Variants in RTTN observed in about 807,000 individuals in gnomAD.
RTTN encodes the protein rotatin.
RTTN carries 182 observed loss-of-function variants against 269.2 expected under a neutral mutation model. The observed-to-expected ratio is 0.68, with a 90% CI of 0.60 to 0.76. The LOEUF is 0.76. Ranked by LOEUF, RTTN falls within the 30% of genes least tolerant of loss-of-function variation. The pLI is 0.00. For synonymous variants in RTTN, 1,006 were observed against 963.5 expected (o/e 1.04, Z -0.82); for missense variants, 2,545 against 2,608.6 (o/e 0.98, Z 0.53).
At chr18:70,061,548 T>G in intron 35 of RTTN, 1 of 339,456 alleles carries the variant, frequency 2.9e-6, no homozygotes, top group South Asian at 2.3e-5. Flanking sequence ...AAACATATTT[T>G]ATCTACGAAT....
chr18:70,153,954 A>G (rs1248510259), intron 14 of RTTN, among the ~76,000 whole-genome samples: 3 of 152,168 alleles, frequency 2.0e-5, no homozygotes, highest in Non-Finnish European at 2.9e-5. Context: ...CAACTAATAT[A>G]AATTTCCAAA....
At chr18:70,188,084 C>A (rs1345623937) in intron 10 of RTTN, 24 bp downstream of exon 10, 1 of 1,350,932 alleles carries the variant, frequency 7.4e-7, no homozygotes, top group African/African-American at 1.4e-5. Flanking sequence ...TTCCCTATAT[C>A]CCAAAGAAAA....
At chr18:70,134,600 AACAAATACAACTTAC>A in intron 22 of RTTN, 59 bp from the exon 23 acceptor site, 1 of 1,158,684 alleles carries the variant, frequency 8.6e-7, no homozygotes, top group Non-Finnish European at 1.3e-6. Context: ...AGTTTTGTCT[AACAAATACAACTTAC>A]CTCACTTCGT....
intron 33 of RTTN, chr18:70,075,066 T>C (rs1187978060): frequency 9.0e-6 from 2 of 223,346 alleles, no homozygotes; most frequent in African/African-American, 4.6e-5. Context: ...TCAAAAATAA[T>C]TTCCATGAAG....
intron 28 of RTTN, among the ~76,000 whole-genome samples, chr18:70,106,436 AAAC>A (rs1158418459): frequency 6.6e-6 from 1 of 152,260 alleles, no homozygotes; most frequent in East Asian, 1.9e-4. Flanking sequence ...AGGAAAGGCC[AAAC>A]AGTATTAGGT....
intron 14 of RTTN, among the ~76,000 whole-genome samples, chr18:70,157,248 C>T (rs902273147): frequency 6.6e-6 from 1 of 152,146 alleles, no homozygotes; most frequent in African/African-American, 2.4e-5. Context: ...GGGAACATCT[C>T]GGCTCCTCCA....
chr18:70,198,268 CA>C (rs376972434), intron 5 of RTTN, among the ~76,000 whole-genome samples: 1 of 152,068 alleles, frequency 6.6e-6, no homozygotes, highest in Admixed American at 6.5e-5. Context: ...CTCCCCACCC[CA>C]AAAAAATCAC....
chr18:70,128,764 G>A, intron 23 of RTTN: 1 of 461,518 alleles, frequency 2.2e-6, no homozygotes, highest in Admixed American at 3.3e-5. Context: ...ATCCTTTCTT[G>A]AGGACTTACC....
Position 70,187,208 on chromosome 18 carries a change from C to T in RTTN, c.1305+900G>A, listed in dbSNP as rs890155205. Among the ~76,000 whole-genome samples, 11 of 152,014 alleles carry T rather than the reference C, an allele frequency of 7.2e-5. No homozygotes were observed. In the East Asian group the frequency reaches 1.3e-3, roughly 19 times the overall value. The stretch of plus-strand genomic sequence containing the variant: ...TATAAAAAAGAACGAGAAAATCTCA[C>T]GTATAGATAGATAGGGAATAATCCT... On this transcript the variant is annotated intron_variant, in intron 10 of 48. Transcript: ENST00000640769.
chr18:70,086,565 A>T (rs767349297), intron 32 of RTTN, 48 bp downstream of exon 32: 3 of 1,370,442 alleles, frequency 2.2e-6, no homozygotes, highest in Admixed American at 2.0e-5. Context: ...TTTATCACCA[A>T]TTAATTTGAA....
chr18:70,031,347 C>A (rs2057007466), intron 40 of RTTN: 3 of 400,188 alleles, frequency 7.5e-6, no homozygotes, highest in Non-Finnish European at 8.8e-6. Context: ...GGAGAACTGT[C>A]ATCAATTTCC....
chr18:70,152,811 T>C (rs1445179992), intron 14 of RTTN, among the ~76,000 whole-genome samples: 2 of 152,182 alleles, frequency 1.3e-5, no homozygotes, highest in African/African-American at 4.8e-5. Context: ...ACTGGTCTTC[T>C]TGCTTCCATC....
intron 4 of RTTN, among the ~76,000 whole-genome samples, chr18:70,201,602 C>T (rs1194189999): frequency 2.5e-5 from 2 of 79,868 alleles, no homozygotes; most frequent in African/African-American, 8.7e-5. Flanking sequence ...AGCGAGACTC[C>T]ATCTCAAAAA....
chr18:70,044,012 T>G (rs1171101515), intron 40 of RTTN, among the ~76,000 whole-genome samples: 1 of 152,242 alleles, frequency 6.6e-6, no homozygotes. Context: ...AGACATAATG[T>G]CTTTTCATCA....
chr18:70,180,801 C>G (rs991028997), intron 10 of RTTN, among the ~76,000 whole-genome samples: 22 of 152,078 alleles, frequency 1.4e-4, no homozygotes, highest in African/African-American at 5.3e-4. Flanking sequence ...ACAGTAAGTG[C>G]TATATTTAAA....
intron 13 of RTTN, 101 bp downstream of exon 13, chr18:70,166,818 T>C (rs867139181): frequency 2.7e-6 from 2 of 737,754 alleles, no homozygotes; most frequent in East Asian, 2.7e-5. Context: ...TAAAAAATAA[T>C]AACAAAGATA....
chr18:70,006,320 T>C, intron 47 of RTTN, 61 bp downstream of exon 47: 2 of 1,183,896 alleles, frequency 1.7e-6, no homozygotes, highest in South Asian at 1.2e-5. Flanking sequence ...CCTAAGAGTT[T>C]ATACCTGGGT....
At chr18:70,088,621 G>A (rs1327242625) in intron 30 of RTTN, among the ~76,000 whole-genome samples, 1 of 152,122 alleles carries the variant, frequency 6.6e-6, no homozygotes, top group Non-Finnish European at 1.5e-5. Flanking sequence ...AGTTATTCAA[G>A]AGAAAAACGT....
At chr18:70,085,193 T>G (rs1026261715) in intron 32 of RTTN, among the ~76,000 whole-genome samples, 2 of 152,168 alleles carry the variant, frequency 1.3e-5, no homozygotes, top group Non-Finnish European at 2.9e-5. Context: ...ACTATTAATA[T>G]AACTATTAAT....
Sources: gnomAD v4.1 joint callset for allele counts (sites outside exome capture counted in the v4.1 genomes callset) on GRCh38, gnomAD v4.1.1 for gene constraint, MANE v1.5 for transcripts, NCBI Gene and HGNC (gene_info 2026-07-23, HGNC 2026-07-21) for gene names.